DCC: variants seen among roughly 807,000 people sequenced by gnomAD.
DCC encodes the protein DCC netrin 1 receptor.
Under a neutral mutation model 172.5 loss-of-function variants are expected in DCC, and 58 were observed. That is an observed-to-expected ratio of 0.34 (90% CI 0.27 to 0.42). The LOEUF (loss-of-function observed/expected upper bound fraction) is 0.42. Among genes scored for constraint, DCC ranks in the 10% least tolerant of loss-of-function variants. The pLI is 1.00. For missense variants in DCC, 1,740 were observed against 1,791.0 expected (o/e 0.97, Z 0.51); for synonymous variants, 709 against 644.5 (o/e 1.10, Z -1.52).
intron 2 of DCC, among the ~76,000 whole-genome samples, chr18:52,755,901 T>A (rs2037069276): frequency 6.6e-6 from 1 of 152,210 alleles, no homozygotes; most frequent in African/African-American, 2.4e-5. Flanking sequence ...GCACCATTCA[T>A]CCTATTTTCT....
At chr18:53,048,491 G>GTA (rs1366786177) in intron 5 of DCC, among the ~76,000 whole-genome samples, 2 of 50,622 alleles carry the variant, frequency 4.0e-5, no homozygotes, top group Non-Finnish European at 3.2e-5. Context: ...TCCATGGTTT[G>GTA]TGTGTGTGTG....
In DCC at chr18:52,926,955, C is replaced by CTATATATGGATATATATACA. The variant is rs1218551742; in HGVS notation, c.985+1603_985+1622dup. ...TATATAAACGTATATGATATATACA[C>CTATATATGGATATATATACA]TATATATGGATATATATACATATAT... is the stretch of plus-strand genomic sequence containing the variant. On this transcript the variant is annotated intron_variant, in intron 5 of 28. Transcript: ENST00000442544. Among the ~76,000 whole-genome samples the CTATATATGGATATATATACA allele has an allele frequency of 1.9e-4, 26 of 138,032 alleles. No homozygotes were observed. In the East Asian group the frequency reaches 5.5e-3, roughly 29 times the overall value. The allele number at this position is 138,032 out of a possible 152,430, so 90.6% of individuals were successfully genotyped here.
At chr18:52,731,657 T>C (rs1381945754) in intron 1 of DCC, among the ~76,000 whole-genome samples, 1 of 152,146 alleles carries the variant, frequency 6.6e-6, no homozygotes, top group Non-Finnish European at 1.5e-5. Context: ...ATGACATTAT[T>C]TGAGGTGCAG....
intron 1 of DCC, among the ~76,000 whole-genome samples, chr18:52,419,961 G>C (rs995782188): frequency 6.6e-6 from 1 of 152,114 alleles, no homozygotes; most frequent in Non-Finnish European, 1.5e-5. Flanking sequence ...GGTGAGGAGA[G>C]CTTAGGTAAA....
chr18:52,780,365 T>G (rs576667890), intron 2 of DCC, among the ~76,000 whole-genome samples: 1 of 152,232 alleles, frequency 6.6e-6, no homozygotes, highest in African/African-American at 2.4e-5. Flanking sequence ...TTAATTCCAG[T>G]TTTTAGATAT....
chr18:52,845,329 T>A (rs557655946), intron 2 of DCC, among the ~76,000 whole-genome samples: 2 of 152,330 alleles, frequency 1.3e-5, no homozygotes, highest in Non-Finnish European at 2.9e-5. Context: ...TGACACAATT[T>A]AAAATGTGAA....
intron 15 of DCC, among the ~76,000 whole-genome samples, chr18:53,359,798 A>G (rs11874922): frequency 0.16 from 24,666 of 151,974 alleles, 2,498 homozygotes; most frequent in African/African-American, 0.27. Flanking sequence ...TAGTTTTATA[A>G]TGACATCCAG....
At chr18:52,656,002 GTA>G (rs72182535) in intron 1 of DCC, among the ~76,000 whole-genome samples, 21,325 of 126,378 alleles carry the variant, frequency 0.17, 1,862 homozygotes, top group Middle Eastern at 0.27. Context: ...ATATATGTGC[GTA>G]TATATATATG....
At chr18:53,217,512 C>T (rs1156595991) in intron 12 of DCC, among the ~76,000 whole-genome samples, 1 of 151,990 alleles carries the variant, frequency 6.6e-6, no homozygotes, top group African/African-American at 2.4e-5. Context: ...AGTCACACTC[C>T]CTCTCTCCTT....
At chr18:53,110,554 A>G (rs1279533203) in intron 7 of DCC, among the ~76,000 whole-genome samples, 1 of 151,846 alleles carries the variant, frequency 6.6e-6, no homozygotes, top group Non-Finnish European at 1.5e-5. Context: ...ATTTACAAGA[A>G]AAAAACAAAC....
intron 7 of DCC, among the ~76,000 whole-genome samples, chr18:53,072,212 A>G (rs1399338059): frequency 2.0e-5 from 3 of 152,152 alleles, no homozygotes; most frequent in Non-Finnish European, 2.9e-5. Flanking sequence ...GGTAAGCAAT[A>G]AGTTAGGATC....
At chr18:52,811,545 T>G (rs1229810766) in intron 2 of DCC, among the ~76,000 whole-genome samples, 1 of 145,602 alleles carries the variant, frequency 6.9e-6, no homozygotes, top group Non-Finnish European at 1.6e-5. Context: ...AAAACTAATT[T>G]GGATTGAGTA....
chr18:52,428,567 A>C (rs1042291809), intron 1 of DCC, among the ~76,000 whole-genome samples: 3 of 152,156 alleles, frequency 2.0e-5, no homozygotes, highest in Non-Finnish European at 4.4e-5. Flanking sequence ...AGTTTAATGG[A>C]TAATTTAATC....
intron 12 of DCC, among the ~76,000 whole-genome samples, chr18:53,224,358 G>A (rs1458476838): frequency 6.6e-6 from 1 of 152,176 alleles, no homozygotes; most frequent in African/African-American, 2.4e-5. Flanking sequence ...GCTGAAATGA[G>A]AATAGAATAG....
intron 1 of DCC, among the ~76,000 whole-genome samples, chr18:52,730,070 G>A (rs2036613643): frequency 6.6e-6 from 1 of 152,076 alleles, no homozygotes; most frequent in Admixed American, 6.5e-5. Flanking sequence ...TAAATAACCT[G>A]GTAATTACTT....
At chr18:53,255,393 G>A (rs1193629504) in intron 12 of DCC, among the ~76,000 whole-genome samples, 2 of 120,834 alleles carry the variant, frequency 1.7e-5, no homozygotes, top group Non-Finnish European at 3.2e-5. Context: ...AGGCCATGGT[G>A]TGTGATGTTC....
At chr18:52,569,338 G>T (rs1360202346) in intron 1 of DCC, among the ~76,000 whole-genome samples, 1 of 152,166 alleles carries the variant, frequency 6.6e-6, no homozygotes, top group African/African-American at 2.4e-5. Flanking sequence ...CCCTTATAAA[G>T]TGAGCACAGT....
chr18:52,805,982 C>A (rs547117390), intron 2 of DCC, among the ~76,000 whole-genome samples: 1 of 152,302 alleles, frequency 6.6e-6, no homozygotes, highest in South Asian at 2.1e-4. Flanking sequence ...AGGAGACAAA[C>A]TGAAGATATT....
At chr18:53,356,628 G>A (rs914414153) in intron 15 of DCC, among the ~76,000 whole-genome samples, 1 of 152,102 alleles carries the variant, frequency 6.6e-6, no homozygotes, top group Non-Finnish European at 1.5e-5. Context: ...CAGCACCAAA[G>A]ATGTTTAACT....
Sources: allele counts gnomAD v4.1 joint callset (sites outside exome capture counted in the v4.1 genomes callset), GRCh38; gene constraint gnomAD v4.1.1; transcripts MANE v1.5; gene names NCBI Gene and HGNC (gene_info 2026-07-23, HGNC 2026-07-21).